NYX: variants seen among roughly 807,000 people sequenced by gnomAD.
NYX encodes leucine-rich repeat protein.
For missense variants in NYX, 481 were observed against 485.4 expected (o/e 0.99, Z 0.09); for synonymous variants, 258 against 245.7 (o/e 1.05, Z -0.47).
chrX:41,471,125 G>C (rs758640398), intron 2 of NYX, among the ~76,000 whole-genome samples: 7 of 110,912 alleles, frequency 6.3e-5, no homozygotes, highest in South Asian at 3.8e-4. Context: ...TTTTTTGGAG[G>C]GGGGGGATGG....
At chrX:41,454,116 T>C (rs1326000733) in intron 2 of NYX, among the ~76,000 whole-genome samples, 10 of 111,891 alleles carry the variant, frequency 8.9e-5, no homozygotes, top group Non-Finnish European at 1.7e-4. Context: ...ATCCCACCCC[T>C]GAAGATTCTG....
At chrX:41,448,195 G>T (rs2064265198) in intron 2 of NYX, among the ~76,000 whole-genome samples, 1 of 111,747 alleles carries the variant, frequency 8.9e-6, no homozygotes, top group East Asian at 2.8e-4. Context: ...TTTCAGATAT[G>T]AATTCATTGG....
chrX:41,468,676 C>T (rs753544254), intron 2 of NYX, among the ~76,000 whole-genome samples: 7 of 112,047 alleles, frequency 6.2e-5, no homozygotes, highest in African/African-American at 1.9e-4. Flanking sequence ...CCATACAGTG[C>T]GCCTGGAACA....
chrX:41,447,795 G>T, intron 1 of NYX, 54 bp from the exon 2 acceptor site: 1 of 866,579 alleles, frequency 1.2e-6, no homozygotes, highest in Non-Finnish European at 1.7e-6. Context: ...AGGCATGGGA[G>T]GGTTCTCATG....
intron 2 of NYX, chrX:41,472,421 ACCTGATGACTCACCATGGCCAGCAGG>A (rs1569266715): frequency 8.8e-7 from 1 of 1,135,521 alleles, no homozygotes; most frequent in Non-Finnish European, 1.2e-6. Context: ...TGTGAAGCTC[ACCTGATGACTCACCATGGCCAGCAGG>A]CCGCGGAGGT....
chrX:41,461,840 C>T (rs1458690999), intron 2 of NYX, among the ~76,000 whole-genome samples: 4 of 111,347 alleles, frequency 3.6e-5, no homozygotes, highest in African/African-American at 9.8e-5. Flanking sequence ...CTCACTCTGT[C>T]GTCCAGGCTG....
chrX:41,468,022 A>G (rs1174905488), intron 2 of NYX, among the ~76,000 whole-genome samples: 2 of 111,718 alleles, frequency 1.8e-5, no homozygotes, highest in Non-Finnish European at 3.8e-5. Context: ...ATGGCTATCA[A>G]AGTTTCAGAG....
intron 2 of NYX, among the ~76,000 whole-genome samples, chrX:41,457,001 G>C (rs2064300746): frequency 9.0e-6 from 1 of 111,219 alleles, no homozygotes; most frequent in Admixed American, 9.7e-5. Context: ...AATGGAATTA[G>C]TGCCCTCATA....
At chrX:41,467,040 G>T (rs1249543885) in intron 2 of NYX, among the ~76,000 whole-genome samples, 1 of 109,699 alleles carries the variant, frequency 9.1e-6, no homozygotes, top group Non-Finnish European at 1.9e-5. Flanking sequence ...CTGACCTCCG[G>T]TGATCCACCC....
intron 2 of NYX, among the ~76,000 whole-genome samples, chrX:41,461,779 A>G (rs2147017986): frequency 9.0e-6 from 1 of 111,432 alleles, no homozygotes; most frequent in South Asian, 3.7e-4. Context: ...TTCTCTGATC[A>G]TTAATGATGT....
At chrX:41,461,879 G>A (rs1017903336) in intron 2 of NYX, among the ~76,000 whole-genome samples, 10 of 111,104 alleles carry the variant, frequency 9.0e-5, no homozygotes, top group Admixed American at 1.9e-4. Flanking sequence ...TCGGCTCACT[G>A]CAACCTCTGC....
At chrX:41,453,313 A>G (rs772416665) in intron 2 of NYX, among the ~76,000 whole-genome samples, 1 of 111,350 alleles carries the variant, frequency 9.0e-6, no homozygotes, top group South Asian at 3.8e-4. Flanking sequence ...TGGCCAGGAC[A>G]CCCGATAGGG....
At chrX:41,461,177 C>A (rs1413552115) in intron 2 of NYX, among the ~76,000 whole-genome samples, 1 of 107,419 alleles carries the variant, frequency 9.3e-6, no homozygotes, top group Non-Finnish European at 1.9e-5. Flanking sequence ...CCCCTCCCAC[C>A]CTTTCCCTCT....
At chrX:41,464,721 GCTT>G (rs1244495017) in intron 2 of NYX, among the ~76,000 whole-genome samples, 2 of 103,367 alleles carry the variant, frequency 1.9e-5, no homozygotes, top group Non-Finnish European at 4.0e-5. Context: ...GGCTTGCTAA[GCTT>G]CTTGTTTTAA....
At chrX:41,468,918 C>T (rs2064350040) in intron 2 of NYX, among the ~76,000 whole-genome samples, 3 of 111,582 alleles carry the variant, frequency 2.7e-5, no homozygotes, top group Non-Finnish European at 3.8e-5. Flanking sequence ...AGCCCAGCAG[C>T]AGCCCTGTTT....
chrX:41,472,418 C>G, intron 2 of NYX: 1 of 1,147,800 alleles, frequency 8.7e-7, no homozygotes, highest in Non-Finnish European at 1.2e-6. Context: ...CAATGTGAAG[C>G]TCACCTGATG....
At chrX:41,452,953 C>T (rs1261535557) in intron 2 of NYX, among the ~76,000 whole-genome samples, 1 of 111,700 alleles carries the variant, frequency 9.0e-6, no homozygotes, top group Non-Finnish European at 1.9e-5. Flanking sequence ...GGTTTTGGTC[C>T]GAGGAGCCAC....
intron 2 of NYX, among the ~76,000 whole-genome samples, chrX:41,466,283 G>A (rs2064337580): frequency 9.0e-6 from 1 of 111,013 alleles, no homozygotes; most frequent in African/African-American, 3.3e-5. Flanking sequence ...AGCTGGGCAT[G>A]GTGGTACATA....
intron 2 of NYX, among the ~76,000 whole-genome samples, chrX:41,448,143 C>A (rs1224735037): frequency 9.0e-6 from 1 of 111,292 alleles, no homozygotes; most frequent in Non-Finnish European, 1.9e-5. Flanking sequence ...ACTCCTGAGC[C>A]GAATATATGA....
Sources: allele counts gnomAD v4.1 joint callset (sites outside exome capture counted in the v4.1 genomes callset), GRCh38; gene constraint gnomAD v4.1.1; transcripts MANE v1.5; gene names NCBI Gene and HGNC (gene_info 2026-07-23, HGNC 2026-07-21).